The following DPYS variants were observed in gnomAD, a reference collection of about 807,000 sequenced individuals.
DPYS encodes the protein dihydropyrimidine amidohydrolase.
DPYS carries 39 observed loss-of-function variants against 50.3 expected under a neutral mutation model. The ratio of observed to expected loss-of-function variants is 0.78; its 90% CI spans 0.60 to 1.01. The LOEUF is 1.01. Among genes scored for constraint, DPYS ranks in the 50% least tolerant of loss-of-function variants. DPYS has a pLI of 0.00. For synonymous variants in DPYS, 245 were observed against 250.7 expected, an observed-to-expected ratio of 0.98 and a Z score of 0.22; for missense variants, 659 against 680.9, an observed-to-expected ratio of 0.97 and a Z score of 0.36.
rs543725759 is a variant in DPYS at position 104,407,749 on chromosome 8, A to ATTCTTGGATCATTAAACTC, written c.1236-14777_1236-14759dup. ...TAGTCTTTTATCATTGTTGAAAATC[A>ATTCTTGGATCATTAAACTC]TTCTTGGATCATTAAACTCTTCTTG... On this transcript the variant is annotated intron_variant, in intron 7 of 9. Transcript: ENST00000351513. 5.7e-3 allele frequency among the ~76,000 whole-genome samples: 861 copies of ATTCTTGGATCATTAAACTC among 152,348 alleles called. 6 individuals carry two copies. Among genetic ancestry groups the ATTCTTGGATCATTAAACTC allele is most frequent in the African/African-American group, 0.019 (771 of 41,580 alleles).
At chr8:104,412,675 G>A (rs1812225405) in intron 7 of DPYS, among the ~76,000 whole-genome samples, 1 of 152,106 alleles carries the variant, frequency 6.6e-6, no homozygotes, top group Admixed American at 6.5e-5. Flanking sequence ...CTCTGGTGTG[G>A]TAGATCTGGT....
At chr8:104,443,462 A>G (rs1813420096) in intron 4 of DPYS, among the ~76,000 whole-genome samples, 1 of 152,230 alleles carries the variant, frequency 6.6e-6, no homozygotes, top group African/African-American at 2.4e-5. Context: ...TTGCTCCAAC[A>G]TCCAAGTGGC....
rs145750377 is a variant in DPYS, at chr8:104,430,963, A to T, written c.794-1262T>A. 8.5e-5 allele frequency among the ~76,000 whole-genome samples: 13 copies of T among 152,280 alleles called. No individual in the cohort carries two copies. In the East Asian group the frequency reaches 1.4e-3, roughly 16 times the overall value. ...TCTTTCTAAATATAGAATATGCCCA[A>T]TCGTTTTTAGTGAATGAAGAGGTAA... On this transcript the variant is annotated intron_variant, in intron 4 of 9. Coordinates refer to ENST00000351513, the MANE Select transcript of DPYS (RefSeq NM_001385.3).
intron 8 of DPYS, 33 bp from the exon 9 acceptor site, chr8:104,381,347 TTTA>T (rs1273247581): frequency 6.3e-7 from 1 of 1,598,908 alleles, no homozygotes; most frequent in African/African-American, 1.3e-5. Flanking sequence ...TCTCTTGTGG[TTTA>T]TTTTCTTGAG....
At chr8:104,436,669 A>G (rs780893783) in intron 4 of DPYS, among the ~76,000 whole-genome samples, 32 of 152,026 alleles carry the variant, frequency 2.1e-4, no homozygotes, top group Non-Finnish European at 3.8e-4. Flanking sequence ...AACAGAAGAG[A>G]ATTAAAAAAA....
chr8:104,383,114 A>G (rs1811109746), intron 8 of DPYS, among the ~76,000 whole-genome samples: 1 of 152,172 alleles, frequency 6.6e-6, no homozygotes, highest in East Asian at 1.9e-4. Context: ...AGCCTGCTCT[A>G]TCACCTAGAG....
chr8:104,445,202 T>C (rs1297681707), intron 3 of DPYS, among the ~76,000 whole-genome samples: 1 of 152,212 alleles, frequency 6.6e-6, no homozygotes, highest in Admixed American at 6.5e-5. Flanking sequence ...GAGAATAGTT[T>C]GGAAGTTCTT....
At chr8:104,444,872 G>A (rs1377435872) in intron 3 of DPYS, among the ~76,000 whole-genome samples, 1 of 150,760 alleles carries the variant, frequency 6.6e-6, no homozygotes, top group Non-Finnish European at 1.5e-5. Flanking sequence ...TCTGACAGGG[G>A]ATTAAGAAGC....
chr8:104,441,160 A>C (rs1039523974), intron 4 of DPYS, among the ~76,000 whole-genome samples: 7 of 152,198 alleles, frequency 4.6e-5, no homozygotes, highest in African/African-American at 1.7e-4. Flanking sequence ...ACAACTGCGC[A>C]TGAGGGTATT....
chr8:104,386,314 C>G (rs995201634), intron 8 of DPYS, among the ~76,000 whole-genome samples: 1 of 152,044 alleles, frequency 6.6e-6, no homozygotes. Context: ...AGGCTGATCA[C>G]TTGAGGTCAG....
chr8:104,466,446 G>A (rs1814395204), intron 1 of DPYS, among the ~76,000 whole-genome samples: 1 of 152,180 alleles, frequency 6.6e-6, no homozygotes, highest in African/African-American at 2.4e-5. Flanking sequence ...AAGGCTGCTC[G>A]GCTGCCGCCG....
At position 104,429,575 on chromosome 8, in the gene DPYS, G is replaced by C. The variant is rs979208424; in HGVS notation, c.920C>G (p.Thr307Arg). Residue 307 changes from threonine (T) to arginine (R), a missense_variant, in exon 5 of 10, where the codon ACA (threonine) becomes AGA (arginine). Thr to Arg is a moderately conservative substitution (Grantham distance 71). Coordinates refer to ENST00000351513, the MANE Select transcript of DPYS (RefSeq NM_001385.3). ...CAACAGATTCATGAGGAAGTCGGGT[G>C]TTGAGGGGTCTGGTCGCAAAGGTGG... Reference protein sequence around the residue: ...MGPPLRPDPSTPDFLMNLLAN... With the variant: ...MGPPLRPDPSRPDFLMNLLAN... 1 of 1,614,014 alleles carries C rather than the reference G, an allele frequency of 6.2e-7. No homozygotes were observed. The highest frequency in any genetic ancestry group is 1.3e-5 in the African/African-American group (1 of 74,918).
chr8:104,458,497 T>C (rs987863988), intron 1 of DPYS, among the ~76,000 whole-genome samples: 16 of 152,198 alleles, frequency 1.1e-4, no homozygotes, highest in African/African-American at 3.6e-4. Context: ...AGGAATCATA[T>C]AGAAAGCGTT....
rs1812789896 is a variant in DPYS at position 104,427,960 on chromosome 8, C to T, written c.1092+20G>A. The T allele has an allele frequency of 6.2e-7, 1 of 1,613,690 alleles. No homozygotes were observed. Among genetic ancestry groups the T allele is most frequent in the South Asian group, 1.1e-5 (1 of 91,062 alleles). Reference sequence around the variant, plus strand: ...GGCTGAAGAACTAGGCAAAGCAAGGCTGGAACCTGTGAAACCCACCACGCC... The same window carrying T: ...GGCTGAAGAACTAGGCAAAGCAAGGTTGGAACCTGTGAAACCCACCACGCC... On this transcript the variant is annotated intron_variant, in intron 6 of 9. Coordinates refer to ENST00000351513, the MANE Select transcript of DPYS (RefSeq NM_001385.3).
chr8:104,428,018 C>T lies in DPYS; in HGVS notation c.1054G>A (p.Val352Ile). The T allele has an allele frequency of 1.9e-6, 3 of 1,614,238 alleles. No individual in the cohort carries two copies. The highest frequency in any genetic ancestry group is 2.5e-6 in the Non-Finnish European group (3 of 1,180,040). The change falls in exon 6 of 10, where the codon GTT (valine) becomes ATT (isoleucine). Residue 352 changes from valine to isoleucine, a missense_variant. By Grantham distance (29) the Val-to-Ile change is conservative. Coordinates refer to ENST00000351513, the MANE Select transcript of DPYS (RefSeq NM_001385.3). ...CATATTACGGACATCCGATCTTCAA[C>T]ACCATTCACCCCATTGGGGATCTTG... ...FTKIPNGVNG[V>I]EDRMSVIWEK...
At chr8:104,443,379 G>A (rs932779135) in intron 4 of DPYS, among the ~76,000 whole-genome samples, 15 of 151,998 alleles carry the variant, frequency 9.9e-5, no homozygotes, top group African/African-American at 3.4e-4. Flanking sequence ...TAGGCAGTTT[G>A]GGGTAAAAAT....
At chr8:104,427,757 C>T (rs1220217682) in intron 6 of DPYS, among the ~76,000 whole-genome samples, 1 of 152,104 alleles carries the variant, frequency 6.6e-6, no homozygotes, top group African/African-American at 2.4e-5. Flanking sequence ...TGCGATGCAT[C>T]GTCTAAACTA....
intron 8 of DPYS, among the ~76,000 whole-genome samples, chr8:104,391,367 A>G (rs1334898484): frequency 3.3e-5 from 5 of 152,224 alleles, no homozygotes; most frequent in Admixed American, 6.5e-5. Flanking sequence ...AAACACTACC[A>G]TCTACATGGC....
At chr8:104,391,059 G>A (rs1811369343) in intron 8 of DPYS, among the ~76,000 whole-genome samples, 1 of 152,112 alleles carries the variant, frequency 6.6e-6, no homozygotes, top group South Asian at 2.1e-4. Flanking sequence ...TATTTTGACT[G>A]AGCATATAAA....
Sources: gnomAD v4.1 joint callset for allele counts (sites outside exome capture counted in the v4.1 genomes callset) on GRCh38, gnomAD v4.1.1 for gene constraint, MANE v1.5 for transcripts, NCBI Gene and HGNC (gene_info 2026-07-23, HGNC 2026-07-21) for gene names.